The following DLGAP1 variants were observed in gnomAD, a reference collection of about 807,000 sequenced individuals.
DLGAP1 encodes DLG associated protein 1.
In DLGAP1, 11 loss-of-function variants were observed where a neutral mutation model predicts 90.8. That is an observed-to-expected ratio of 0.12 (90% CI 0.08 to 0.20). The LOEUF (loss-of-function observed/expected upper bound fraction) is 0.20, where lower values mean the gene tolerates loss of function less well. Among genes scored for constraint, DLGAP1 ranks in the 10% least tolerant of loss-of-function variants. The pLI, the probability that DLGAP1 is intolerant of heterozygous loss-of-function variation, is 1.00. For missense variants in DLGAP1, 1,050 were observed against 1,333.8 expected (o/e 0.79, Z 3.31); for synonymous variants, 558 against 540.7 (o/e 1.03, Z -0.44).
intron 1 of DLGAP1, among the ~76,000 whole-genome samples, chr18:4,255,475 A>G (rs952520306): frequency 6.8e-5 from 9 of 133,054 alleles, no homozygotes; most frequent in South Asian, 4.3e-4. Flanking sequence ...AGAGATATAC[A>G]TATATATATA....
intron 5 of DLGAP1, among the ~76,000 whole-genome samples, chr18:3,744,161 TAA>T (rs1412712210): frequency 1.3e-5 from 2 of 152,152 alleles, no homozygotes; most frequent in African/African-American, 4.8e-5. Flanking sequence ...ATAAACATTG[TAA>T]AGAGATAAGA....
chr18:4,054,790 T>C (rs890889388), intron 2 of DLGAP1, among the ~76,000 whole-genome samples: 1 of 152,224 alleles, frequency 6.6e-6, no homozygotes, highest in African/African-American at 2.4e-5. Context: ...GCATTCTTTC[T>C]TTAATTACAT....
Position 3,727,503 on chromosome 18 carries a change from T to C in DLGAP1, c.1591+1632A>G, listed in dbSNP as rs1232358694. Among the ~76,000 whole-genome samples, 1 of 152,084 alleles carries C rather than the reference T, an allele frequency of 6.6e-6. No homozygotes were observed. Among genetic ancestry groups the C allele is most frequent in the Non-Finnish European group, 1.5e-5 (1 of 68,018 alleles). Reference sequence around the variant, plus strand: ...GACTTCTGGGCCAGGATCTGCATTTTACATATTTAAGGAGCGATTTCAGCT... The same window carrying C: ...GACTTCTGGGCCAGGATCTGCATTTCACATATTTAAGGAGCGATTTCAGCT... On this transcript the variant is annotated intron_variant, in intron 7 of 12. Coordinates refer to ENST00000315677, the MANE Select transcript of DLGAP1 (RefSeq NM_004746.4). The surrounding 1 kb of genome is among the most constrained non-coding windows in gnomAD (Gnocchi z 4.7).
At chr18:3,973,331 C>T (rs947379570) in intron 3 of DLGAP1, among the ~76,000 whole-genome samples, 2 of 146,822 alleles carry the variant, frequency 1.4e-5, no homozygotes, top group Non-Finnish European at 3.0e-5. Context: ...TGCTTTTAAT[C>T]AGGTTGTAAG....
At chr18:4,227,221 T>C (rs1261048335) in intron 1 of DLGAP1, among the ~76,000 whole-genome samples, 5 of 151,936 alleles carry the variant, frequency 3.3e-5, no homozygotes, top group Non-Finnish European at 7.4e-5. Flanking sequence ...AATGTTAGAC[T>C]TAAAGAGAGA....
At chr18:3,574,916 G>A (rs1489585411) in intron 8 of DLGAP1, among the ~76,000 whole-genome samples, 2 of 151,206 alleles carry the variant, frequency 1.3e-5, no homozygotes, top group East Asian at 2.0e-4. Context: ...CCGGGTTCAC[G>A]CCATTCTCCT....
chr18:4,178,576 T>C (rs996576095), intron 1 of DLGAP1, among the ~76,000 whole-genome samples: 1 of 152,186 alleles, frequency 6.6e-6, no homozygotes, highest in Admixed American at 6.5e-5. Flanking sequence ...CTGTTTAGTA[T>C]ATGGTTCAGT....
chr18:3,570,789 G>T (rs918835281), intron 8 of DLGAP1, among the ~76,000 whole-genome samples: 2 of 151,678 alleles, frequency 1.3e-5, no homozygotes, highest in Non-Finnish European at 2.9e-5. Context: ...AAAAATAGCT[G>T]GGCATAGTGG....
chr18:4,224,018 C>G (rs1175502139), intron 1 of DLGAP1, among the ~76,000 whole-genome samples: 1 of 152,184 alleles, frequency 6.6e-6, no homozygotes, highest in East Asian at 1.9e-4. Flanking sequence ...GCATAGAACA[C>G]TGAGCAGAGT....
intron 1 of DLGAP1, among the ~76,000 whole-genome samples, chr18:4,359,705 T>A (rs1338729847): frequency 6.6e-6 from 1 of 152,142 alleles, no homozygotes; most frequent in African/African-American, 2.4e-5. Context: ...TTAGGATAGA[T>A]ACGATGGTGC....
chr18:4,144,405 C>T (rs887820193), intron 2 of DLGAP1, among the ~76,000 whole-genome samples: 2 of 152,160 alleles, frequency 1.3e-5, no homozygotes, highest in African/African-American at 2.4e-5. Flanking sequence ...AGTTCCTATA[C>T]AAAAAGTCCC....
chr18:3,907,861 T>G (rs1212837229), intron 3 of DLGAP1, among the ~76,000 whole-genome samples: 2 of 152,186 alleles, frequency 1.3e-5, no homozygotes, highest in Non-Finnish European at 2.9e-5. Flanking sequence ...GGATGCTCAG[T>G]GAGCCTCCCA....
intron 1 of DLGAP1, among the ~76,000 whole-genome samples, chr18:4,331,587 C>T (rs1227549218): frequency 3.3e-5 from 5 of 151,780 alleles, no homozygotes; most frequent in Admixed American, 2.0e-4. Context: ...TTTAAGTCCC[C>T]TGGTCCCTTC....
intron 1 of DLGAP1, among the ~76,000 whole-genome samples, chr18:4,335,400 T>C (rs1396788666): frequency 2.0e-5 from 3 of 151,996 alleles, no homozygotes; most frequent in African/African-American, 7.3e-5. Context: ...ACTCAGTGCC[T>C]TGCACAGTAT....
intron 2 of DLGAP1, among the ~76,000 whole-genome samples, chr18:4,029,493 G>A (rs1257907411): frequency 6.6e-6 from 1 of 151,986 alleles, no homozygotes; most frequent in Non-Finnish European, 1.5e-5. Flanking sequence ...CCATCTAACG[G>A]CCTCTTAATG....
intron 7 of DLGAP1, among the ~76,000 whole-genome samples, chr18:3,636,240 G>A (rs2058709334): frequency 6.6e-6 from 1 of 151,120 alleles, no homozygotes; most frequent in Non-Finnish European, 1.5e-5. Context: ...TATCTGCTTT[G>A]TCCTCATGCT....
At chr18:3,868,471 G>A (rs1599059194) in intron 4 of DLGAP1, among the ~76,000 whole-genome samples, 1 of 152,162 alleles carries the variant, frequency 6.6e-6, no homozygotes, top group East Asian at 1.9e-4. Context: ...CGTCCACAGA[G>A]GAGCTTAGAC....
chr18:3,840,938 T>C (rs967799515), intron 4 of DLGAP1, among the ~76,000 whole-genome samples: 6 of 152,186 alleles, frequency 3.9e-5, no homozygotes, highest in African/African-American at 1.4e-4. Flanking sequence ...TGTGTTCTGG[T>C]TTGAATTAAA....
At chr18:3,858,244 A>G (rs1482546222) in intron 4 of DLGAP1, among the ~76,000 whole-genome samples, 1 of 152,120 alleles carries the variant, frequency 6.6e-6, no homozygotes, top group East Asian at 1.9e-4. Flanking sequence ...ACACCTCAGT[A>G]GTTCAATCAC....
Sources: allele counts gnomAD v4.1 joint callset (sites outside exome capture counted in the v4.1 genomes callset), GRCh38; gene constraint gnomAD v4.1.1; non-coding constraint Gnocchi (gnomAD v3.1); transcripts MANE v1.5; gene names NCBI Gene and HGNC (gene_info 2026-07-23, HGNC 2026-07-21).